Variants in MVB12B observed in about 807,000 individuals in gnomAD.
The protein encoded by MVB12B is ESCRT-I complex subunit MVB12B.
In MVB12B, 16 loss-of-function variants were observed where a neutral mutation model predicts 41.6. The observed-to-expected ratio is 0.38, with a 90% CI of 0.26 to 0.58. The LOEUF is 0.58. Ranked by LOEUF, MVB12B falls within the 20% of genes least tolerant of loss-of-function variation. MVB12B has a pLI of 0.62. For missense variants in MVB12B, 274 were observed against 380.2 expected (o/e 0.72, Z 2.32); for synonymous variants, 133 against 139.7 (o/e 0.95, Z 0.34).
At chr9:126,377,338 G>A (rs1439700579) in intron 2 of MVB12B, among the ~76,000 whole-genome samples, 2 of 152,200 alleles carry the variant, frequency 1.3e-5, no homozygotes, top group Admixed American at 6.5e-5. Context: ...AACAGACTCT[G>A]AAGGTTCTGC....
intron 7 of MVB12B, among the ~76,000 whole-genome samples, chr9:126,477,157 GGCCAGA>G (rs1415827765): frequency 2.6e-5 from 4 of 152,106 alleles, no homozygotes; most frequent in African/African-American, 9.7e-5. Flanking sequence ...CGTATCACAT[GGCCAGA>G]GCAGGAGTGA....
chr9:126,336,363 A>T (rs1375533207), intron 1 of MVB12B, among the ~76,000 whole-genome samples: 1 of 152,208 alleles, frequency 6.6e-6, no homozygotes. Flanking sequence ...ATTCCGAAAC[A>T]ATGTTCAGCA....
At chr9:126,469,420 A>G (rs1207956137) in intron 7 of MVB12B, among the ~76,000 whole-genome samples, 1 of 152,248 alleles carries the variant, frequency 6.6e-6, no homozygotes, top group African/African-American at 2.4e-5. Context: ...CAACTTAAAA[A>G]TATAGATGGG....
chr9:126,457,700 A>G (rs1833011240), intron 7 of MVB12B, among the ~76,000 whole-genome samples: 1 of 152,044 alleles, frequency 6.6e-6, no homozygotes, highest in Non-Finnish European at 1.5e-5. Context: ...CTCAGACAAC[A>G]CAGGTTGAGA....
At chr9:126,394,663 G>A (rs572256946) in intron 5 of MVB12B, among the ~76,000 whole-genome samples, 2 of 152,284 alleles carry the variant, frequency 1.3e-5, no homozygotes, top group South Asian at 4.1e-4. Context: ...TGGAGGCCAC[G>A]GCCCAGAGGT....
Position 126,370,134 on chromosome 9 carries a change from G to A in MVB12B, c.205-10930G>A, listed in dbSNP as rs7860355. ...ATAATGCAATACTATAAACAATGTT[G>A]TAAATAATATCCTTTTGTCTTTATG... On this transcript the variant is annotated intron_variant, in intron 2 of 9. Transcript: ENST00000361171. Among the ~76,000 whole-genome samples, 962 of 152,272 alleles carry A rather than the reference G, an allele frequency of 6.3e-3. 13 individuals are homozygous for A. The highest frequency in any genetic ancestry group is 0.022 in the African/African-American group (908 of 41,542).
chr9:126,363,532 C>T (rs1305752256), intron 2 of MVB12B, among the ~76,000 whole-genome samples: 1 of 152,214 alleles, frequency 6.6e-6, no homozygotes, highest in African/African-American at 2.4e-5. Flanking sequence ...CTTCTCCAGT[C>T]TTCCCTGAAC....
chr9:126,381,285 A>T (rs1419502793), intron 3 of MVB12B, 114 bp downstream of exon 3: 16 of 757,332 alleles, frequency 2.1e-5, no homozygotes, highest in Non-Finnish European at 3.3e-5. Flanking sequence ...ATATTAATTT[A>T]TCTGTGGTTT....
intron 7 of MVB12B, among the ~76,000 whole-genome samples, chr9:126,454,501 G>A (rs1302562642): frequency 1.3e-5 from 2 of 152,226 alleles, no homozygotes; most frequent in Non-Finnish European, 2.9e-5. Context: ...CAGTAAGCGG[G>A]ACACCCAGGT....
At chr9:126,481,479 C>T in intron 8 of MVB12B, 55 bp downstream of exon 8, 1 of 1,320,238 alleles carries the variant, frequency 7.6e-7, no homozygotes, top group Non-Finnish European at 1.1e-6. Context: ...CCTGAGGTCC[C>T]TCCATCCTGA....
chr9:126,334,827 A>G (rs1829230860), intron 1 of MVB12B, among the ~76,000 whole-genome samples: 1 of 152,190 alleles, frequency 6.6e-6, no homozygotes, highest in African/African-American at 2.4e-5. Context: ...TCAGGCCTGT[A>G]TGGGGCAGGG....
chr9:126,454,447 G>C (rs558799029), intron 7 of MVB12B, among the ~76,000 whole-genome samples: 1 of 152,348 alleles, frequency 6.6e-6, no homozygotes, highest in African/African-American at 2.4e-5. Context: ...TCCTGTGTAG[G>C]CATTGTTTAC....
At chr9:126,408,277 C>T (rs1831507652) in intron 6 of MVB12B, 1 of 152,204 alleles carries the variant, frequency 6.6e-6, no homozygotes, top group South Asian at 2.1e-4. Flanking sequence ...CAAAACACAA[C>T]TTCAATTAGT....
chr9:126,466,638 AG>A (rs1833206151), intron 7 of MVB12B, among the ~76,000 whole-genome samples: 1 of 152,164 alleles, frequency 6.6e-6, no homozygotes, highest in African/African-American at 2.4e-5. Flanking sequence ...GTTGTTAAGG[AG>A]GAAAAAAGTG....
intron 2 of MVB12B, among the ~76,000 whole-genome samples, chr9:126,357,906 G>A (rs1054763487): frequency 6.6e-6 from 1 of 152,024 alleles, no homozygotes; most frequent in African/African-American, 2.4e-5. Context: ...TAGCCCTAAG[G>A]TCAAGATTTT....
intron 6 of MVB12B, among the ~76,000 whole-genome samples, chr9:126,407,814 TAAAAA>T (rs1028236379): frequency 3.9e-5 from 6 of 151,990 alleles, no homozygotes; most frequent in Non-Finnish European, 7.4e-5. Flanking sequence ...TTATTGTACT[TAAAAA>T]AAAGAAAGAA....
chr9:126,450,731 T>C (rs1477349126), intron 7 of MVB12B, among the ~76,000 whole-genome samples: 1 of 152,226 alleles, frequency 6.6e-6, no homozygotes, highest in Non-Finnish European at 1.5e-5. Flanking sequence ...AGTTAATAGA[T>C]GCAGAAACCA....
At chr9:126,407,852 G>A (rs1252217655) in intron 6 of MVB12B, among the ~76,000 whole-genome samples, 2 of 152,014 alleles carry the variant, frequency 1.3e-5, no homozygotes, top group East Asian at 1.9e-4. Flanking sequence ...TCAAACTTTT[G>A]GAGCAGAATG....
chr9:126,343,083 GTAAAAGGTGCCAAATGTTCATTTA>G (rs1398901806), intron 2 of MVB12B, among the ~76,000 whole-genome samples: 1 of 152,210 alleles, frequency 6.6e-6, no homozygotes. Context: ...GCTGCTTGAG[GTAAAAGGTGCCAAATGTTCATTTA>G]TAAAAATTTA....
Sources: allele counts gnomAD v4.1 joint callset (sites outside exome capture counted in the v4.1 genomes callset), GRCh38; gene constraint gnomAD v4.1.1; transcripts MANE v1.5; gene names NCBI Gene and HGNC (gene_info 2026-07-23, HGNC 2026-07-21).